KCNN2: variants seen among roughly 807,000 people sequenced by gnomAD.
KCNN2 encodes potassium calcium-activated channel subfamily N member 2, also known as small conductance calcium-activated potassium channel protein 2.
Under a neutral mutation model 55.5 loss-of-function variants are expected in KCNN2, and 24 were observed. The ratio of observed to expected loss-of-function variants is 0.43; its 90% CI spans 0.31 to 0.61. The LOEUF is 0.61. Among genes scored for constraint, KCNN2 ranks in the 20% least tolerant of loss-of-function variants. The pLI, the probability that KCNN2 is intolerant of heterozygous loss-of-function variation, is 0.08. For synonymous variants in KCNN2, 431 were observed against 336.1 expected, an observed-to-expected ratio of 1.28 and a Z score of -3.09; for missense variants, 754 against 853.6, an observed-to-expected ratio of 0.88 and a Z score of 1.45.
chr5:114,327,813 A>G (rs972968788), intron 2 of KCNN2, among the ~76,000 whole-genome samples: 7 of 152,210 alleles, frequency 4.6e-5, no homozygotes, highest in African/African-American at 1.7e-4. Flanking sequence ...AGTCCAATTT[A>G]GTAAATCAAA....
chr5:114,273,163 C>A (rs1323721909), intron 2 of KCNN2, among the ~76,000 whole-genome samples: 2 of 152,134 alleles, frequency 1.3e-5, no homozygotes, highest in African/African-American at 2.4e-5. Context: ...TGCTGAGACA[C>A]ATGATTTCCA....
At chr5:114,176,085 T>C (rs1753125631) in intron 1 of KCNN2, among the ~76,000 whole-genome samples, 1 of 152,226 alleles carries the variant, frequency 6.6e-6, no homozygotes. Context: ...GACCAGTGTT[T>C]CTTGACCTCA....
At chr5:114,171,436 G>A (rs954777200) in intron 1 of KCNN2, among the ~76,000 whole-genome samples, 1 of 151,812 alleles carries the variant, frequency 6.6e-6, no homozygotes, top group African/African-American at 2.4e-5. Flanking sequence ...GAAAATCAGT[G>A]GAGAAATTTA....
At chr5:114,243,614 G>C (rs1321690207) in intron 2 of KCNN2, among the ~76,000 whole-genome samples, 1 of 152,154 alleles carries the variant, frequency 6.6e-6, no homozygotes, top group Non-Finnish European at 1.5e-5. Context: ...CAAGAGTAGT[G>C]TTGCTGGCAT....
At chr5:114,478,316 C>CA (rs1762062952) in intron 5 of KCNN2, among the ~76,000 whole-genome samples, 1 of 151,764 alleles carries the variant, frequency 6.6e-6, no homozygotes, top group Non-Finnish European at 1.5e-5. Context: ...TACCTATATG[C>CA]TATAGGTTTG....
chr5:114,413,468 A>G (rs748210492), intron 3 of KCNN2, among the ~76,000 whole-genome samples: 1 of 152,084 alleles, frequency 6.6e-6, no homozygotes, highest in Non-Finnish European at 1.5e-5. Flanking sequence ...ATGTATTTTT[A>G]GTAGAAATGG....
chr5:114,307,030 G>T (rs1015785385), intron 2 of KCNN2, among the ~76,000 whole-genome samples: 1 of 152,162 alleles, frequency 6.6e-6, no homozygotes, highest in African/African-American at 2.4e-5. Context: ...CTGTGATCAT[G>T]TTTTGGTTCC....
intron 2 of KCNN2, among the ~76,000 whole-genome samples, chr5:114,278,423 C>T (rs930272819): frequency 3.3e-5 from 5 of 152,224 alleles, no homozygotes; most frequent in African/African-American, 1.2e-4. Flanking sequence ...AAGCTGTCTG[C>T]TGTCTTTTGT....
chr5:114,471,911 G>A (rs2150123562), intron 4 of KCNN2, among the ~76,000 whole-genome samples: 1 of 152,250 alleles, frequency 6.6e-6, no homozygotes, highest in Non-Finnish European at 1.5e-5. Context: ...CATTGAGTAA[G>A]CCCAAAGATG....
chr5:114,126,708 C>T (rs951533416), intron 1 of KCNN2, among the ~76,000 whole-genome samples: 1 of 152,114 alleles, frequency 6.6e-6, no homozygotes, highest in Non-Finnish European at 1.5e-5. Context: ...ACTCATTCCC[C>T]CAAAGCCTTA....
At chr5:114,370,542 C>G (rs1009224026) in intron 2 of KCNN2, among the ~76,000 whole-genome samples, 4 of 151,998 alleles carry the variant, frequency 2.6e-5, no homozygotes, top group African/African-American at 9.7e-5. Context: ...GCAACAGTTG[C>G]ATACATCAGA....
In KCNN2 at chr5:114,270,032, C is replaced by A. The variant is rs569011636; in HGVS notation, c.-185+48467C>A. 2.1e-3 allele frequency among the ~76,000 whole-genome samples: 324 copies of A among 152,286 alleles called. 1 individual carries two copies. The highest frequency in any genetic ancestry group is 3.8e-3 in the Non-Finnish European group (258 of 68,014). On this transcript the variant is annotated intron_variant, in intron 2 of 10. Transcript: ENST00000512097. ...TGCTGATCTCCTAGCATTTAAATGG[C>A]ACTTCCTTGGTCTGATACTTGGAGA... is the stretch of plus-strand genomic sequence containing the variant.
chr5:114,493,024 C>G (rs1035498252), intron 6 of KCNN2, among the ~76,000 whole-genome samples: 1 of 152,086 alleles, frequency 6.6e-6, no homozygotes, highest in Non-Finnish European at 1.5e-5. Context: ...CTCATTGCTC[C>G]AACATCAATG....
At chr5:114,182,519 C>T (rs1418823589) in intron 1 of KCNN2, among the ~76,000 whole-genome samples, 1 of 151,860 alleles carries the variant, frequency 6.6e-6, no homozygotes, top group African/African-American at 2.4e-5. Flanking sequence ...TATATTTTTT[C>T]ATGTATTTAT....
chr5:114,261,981 G>T (rs1407583844), intron 2 of KCNN2, among the ~76,000 whole-genome samples: 2 of 152,166 alleles, frequency 1.3e-5, no homozygotes, highest in African/African-American at 4.8e-5. Flanking sequence ...TTCAAAACAA[G>T]CAAAGTGTGC....
intron 2 of KCNN2, among the ~76,000 whole-genome samples, chr5:114,379,115 A>G (rs1349842284): frequency 6.6e-6 from 1 of 151,556 alleles, no homozygotes; most frequent in Admixed American, 6.6e-5. Flanking sequence ...TTCCTCTTAG[A>G]CCTCCTAGTG....
At chr5:114,288,499 T>TATACACACACACAC (rs1305284375) in intron 2 of KCNN2, among the ~76,000 whole-genome samples, 17 of 139,616 alleles carry the variant, frequency 1.2e-4, no homozygotes, top group African/African-American at 4.5e-4. Context: ...TATATATATA[T>TATACACACACACAC]ACACACACAC....
chr5:114,412,163 G>A (rs1187963111), intron 3 of KCNN2, among the ~76,000 whole-genome samples: 1 of 152,140 alleles, frequency 6.6e-6, no homozygotes, highest in African/African-American at 2.4e-5. Context: ...TATCCCTATA[G>A]AGAATATGTA....
chr5:114,113,505 TA>T (rs1187056200), intron 1 of KCNN2, among the ~76,000 whole-genome samples: 1 of 151,984 alleles, frequency 6.6e-6, no homozygotes, highest in African/African-American at 2.4e-5. Flanking sequence ...AAAGACAGAT[TA>T]ACAGGAGAAA....
Sources: allele counts gnomAD v4.1 joint callset (sites outside exome capture counted in the v4.1 genomes callset), GRCh38; gene constraint gnomAD v4.1.1; transcripts MANE v1.5; gene names NCBI Gene and HGNC (gene_info 2026-07-23, HGNC 2026-07-21).